Variants in MMP8 observed in about 807,000 individuals in gnomAD.
MMP8 encodes the protein matrix metallopeptidase 8.
A neutral mutation model predicts 51.2 loss-of-function variants in MMP8; 67 were observed. The ratio of observed to expected loss-of-function variants is 1.31; its 90% confidence interval spans 1.08 to 1.60. The LOEUF (loss-of-function observed/expected upper bound fraction) is 1.60, where lower values mean the gene tolerates loss of function less well. MMP8 is among the 40% of genes most tolerant of loss of function. The pLI is 0.00. For missense variants in MMP8, 654 were observed against 558.1 expected, an observed-to-expected ratio of 1.17 and a Z score of -1.73; for synonymous variants, 225 against 191.0, an observed-to-expected ratio of 1.18 and a Z score of -1.47.
chr11:102,713,777 A>G lies in MMP8; in HGVS notation c.1271T>C (p.Val424Ala). The change falls in exon 9 of 10, where the codon GTT becomes GCT. Residue 424 changes from valine to alanine, a missense_variant. Physicochemically the swap from Val to Ala is moderately conservative, Grantham distance 64. Transcript: ENST00000236826. The part of the protein sequence containing the change: ...SGAFPGIESK[V>A]DAVFQQEHFF... ...ACGTTCTTGCTGGAAAACTGCATCA[A>G]CTTTACTCTCTATTCCTGGAAAGGC... 1 of 1,609,594 alleles carries G rather than the reference A, an allele frequency of 6.2e-7. No individual in the cohort carries two copies. Among genetic ancestry groups the G allele is most frequent in the Non-Finnish European group, 8.5e-7 (1 of 1,178,458 alleles).
intron 1 of MMP8, chr11:102,722,972 CA>C (rs1190577748): frequency 8.3e-6 from 11 of 1,324,596 alleles, no homozygotes; most frequent in East Asian, 4.6e-5. Flanking sequence ...CTTGTTTTTA[CA>C]AAAAAATTAG....
In MMP8 at chr11:102,713,242, T is replaced by A. The variant is rs936095531; in HGVS notation, c.*106A>T. The stretch of plus-strand genomic sequence containing the variant: ...GAATGGATACAGTGATGGGAAACAA[T>A]GACTTAATATTGAGAAAAGTATAAG... On this transcript the variant is annotated 3_prime_UTR_variant, in exon 10 of 10. Coordinates refer to ENST00000236826, the MANE Select transcript of MMP8 (RefSeq NM_002424.3). 4 of 734,066 alleles carry A rather than the reference T, an allele frequency of 5.4e-6. No homozygotes were observed. In the African/African-American group the frequency reaches 7.1e-5, roughly 13 times the overall value. The allele number at this position is 734,066 out of a possible 1,614,324, so 45.5% of individuals were successfully genotyped here. A position where few individuals can be genotyped will look rare whatever the true frequency, so the allele number is the denominator to read the frequency against.
At chr11:102,723,997 G>T (rs972145629) in intron 1 of MMP8, 28 of 232,266 alleles carry the variant, frequency 1.2e-4, no homozygotes, top group Non-Finnish European at 2.4e-4. Context: ...GATTAAATGA[G>T]ATATTTGTGA....
intron 1 of MMP8, 78 bp from the exon 2 acceptor site, chr11:102,722,751 G>C: frequency 1.3e-6 from 2 of 1,560,994 alleles, no homozygotes; most frequent in South Asian, 2.4e-5. Flanking sequence ...CCCTTTCTAA[G>C]TTACTACAGA....
chr11:102,713,992 A>G, intron 8 of MMP8, 135 bp from the exon 9 acceptor site: 1 of 544,154 alleles, frequency 1.8e-6, no homozygotes, highest in Non-Finnish European at 3.2e-6. Flanking sequence ...CCTGTTTACT[A>G]GGATTAAGAA....
In MMP8 at chr11:102,713,735, G is replaced by T. The variant is rs5007518; in HGVS notation, c.1294+19C>A. The T allele has an allele frequency of 0.09, 132,873 of 1,477,460 alleles. 7,851 individuals are homozygous for T. Among genetic ancestry groups the T allele is most frequent in the East Asian group, 0.28 (11,866 of 42,568 alleles). 91.5% of individuals were successfully genotyped at this position (1,477,460 alleles called of 1,614,324 possible). ...AACAAACAAACAACACATTTATTAG[G>T]TTTTTTTTTCCTACTTACGTTCTTG... is the stretch of plus-strand genomic sequence containing the variant. On this transcript the variant is annotated intron_variant, in intron 9 of 9. Coordinates refer to ENST00000236826, the MANE Select transcript of MMP8 (RefSeq NM_002424.3).
intron 9 of MMP8, 65 bp downstream of exon 9, chr11:102,713,689 G>T: frequency 7.4e-7 from 1 of 1,355,956 alleles, no homozygotes. Context: ...AGCATAGTAA[G>T]ACCCTGTCTC....
In MMP8 at chr11:102,722,755, C is replaced by T. The variant is rs1444231716; in HGVS notation, c.103-82G>A. 3 of 1,541,440 alleles carry T rather than the reference C, an allele frequency of 1.9e-6. No individual in the cohort carries two copies. The East Asian group carries it at 6.9e-5, about 35-fold the overall frequency. ...TCATTTTGCAACCCTTTCTAAGTTA[C>T]TACAGAGGTCTGATAACTTGACAGC... On this transcript the variant is annotated intron_variant, in intron 1 of 9. Transcript: ENST00000236826.
intron 7 of MMP8, among the ~76,000 whole-genome samples, chr11:102,715,047 G>A (rs1440622684): frequency 3.9e-5 from 6 of 151,946 alleles, no homozygotes; most frequent in Non-Finnish European, 8.8e-5. Context: ...TCTGGGATGA[G>A]GATGAAAGAA....
At position 102,723,844 on chromosome 11, in the gene MMP8, C is replaced by A. The variant is rs182109900; in HGVS notation, c.102+910G>T. 3 of 244,448 alleles carry A rather than the reference C, an allele frequency of 1.2e-5. No individual in the cohort carries two copies. In the East Asian group the frequency reaches 3.2e-4, roughly 26 times the overall value. The allele number at this position is 244,448 out of a possible 1,614,324, so 15.1% of individuals were successfully genotyped here. ...AGTAGGTGACACTGACCAGATCACA[C>A]GCTTTGGAATCAGACAGGCCTGGGT... On this transcript the variant is annotated intron_variant, in intron 1 of 9. Coordinates refer to ENST00000236826, the MANE Select transcript of MMP8 (RefSeq NM_002424.3).
Position 102,724,943 on chromosome 11 carries a change from G to T in MMP8, c.-88C>A. 1 of 1,444,458 alleles carries T rather than the reference G, an allele frequency of 6.9e-7. No individual in the cohort carries two copies. The highest frequency in any genetic ancestry group is 1.6e-5 in the South Asian group (1 of 63,352). The allele number at this position is 1,444,458 out of a possible 1,614,324, so 89.5% of individuals were successfully genotyped here. ...CCTGGCGAGCACCCTGACGTTCACAGCATCATGTGTCACTCACAGCTCTCT... is the reference window on the plus strand; with the variant it reads ...CCTGGCGAGCACCCTGACGTTCACATCATCATGTGTCACTCACAGCTCTCT... On this transcript the variant is annotated 5_prime_UTR_variant, in exon 1 of 10. It adds an upstream start codon to the 5' untranslated region. Coordinates refer to ENST00000236826, the MANE Select transcript of MMP8 (RefSeq NM_002424.3).
chr11:102,718,693 G>T (rs1861380450), intron 4 of MMP8, 118 bp from the exon 5 acceptor site: 2 of 1,108,042 alleles, frequency 1.8e-6, no homozygotes, highest in Non-Finnish European at 2.6e-6. Flanking sequence ...CCTTCCCATG[G>T]CTGTCTTTTT....
chr11:102,713,808 A>G lies in MMP8; in HGVS notation c.1240T>C (p.Ser414Pro). Residue 414 changes from serine (S) to proline (P), a missense_variant, in exon 9 of 10, where the codon TCA becomes CCA. Transcript: ENST00000236826. ...CTCTCTATTCCTGGAAAGGCACCTG[A>G]TATGCTTTTGGGATAACCTGGCTCC... ...FMEPGYPKSI[S>P]GAFPGIESKV... The G allele has an allele frequency of 1.2e-6, 2 of 1,612,692 alleles. No individual in the cohort carries two copies. Among genetic ancestry groups the G allele is most frequent in the Non-Finnish European group, 1.7e-6 (2 of 1,179,380 alleles).
chr11:102,715,421 GC>G lies in MMP8; in HGVS notation c.918del (p.Arg306SerfsTer10). ...LFFKDRYFWR[R>X]HPQLQRVEMN... ...ATTTCGACTCTTTGTAGCTGAGGATGCCTTCTCCAGAAGTACCTAACGGAAC... is the reference window on the plus strand; with the variant it reads ...ATTTCGACTCTTTGTAGCTGAGGATGCTTCTCCAGAAGTACCTAACGGAAC... On this transcript the variant is annotated frameshift_variant, in exon 7 of 10. Coordinates refer to ENST00000236826, the MANE Select transcript of MMP8 (RefSeq NM_002424.3). LOFTEE classifies it high-confidence loss of function. 6.2e-7 allele frequency: 1 copy of G among 1,613,082 alleles called. No individual in the cohort carries two copies. Among genetic ancestry groups the G allele is most frequent in the South Asian group, 1.1e-5 (1 of 90,986 alleles).
chr11:102,722,737 G>C, intron 1 of MMP8, 64 bp from the exon 2 acceptor site: 2 of 1,586,044 alleles, frequency 1.3e-6, no homozygotes, highest in Non-Finnish European at 1.7e-6. Context: ...TGGTCATTTT[G>C]CAACCCTTTC....
Position 102,712,509 on chromosome 11 carries a change from G to A in MMP8, c.*839C>T, listed in dbSNP as rs992088954. 2.6e-5 allele frequency: 4 copies of A among 152,174 alleles called. No homozygotes were observed. The highest frequency in any genetic ancestry group is 5.9e-5 in the Non-Finnish European group (4 of 68,046). 9.4% of individuals were successfully genotyped at this position (152,174 alleles called of 1,614,324 possible). A position where few individuals can be genotyped will look rare whatever the true frequency, so the allele number is the denominator to read the frequency against. ...GGATAGAAGTCCGAATTCTGCAGGT[G>A]TCAGCAGGGTCACACTTGAAGGCTA... On this transcript the variant is annotated 3_prime_UTR_variant, in exon 10 of 10. Transcript: ENST00000236826.
intron 1 of MMP8, 24 bp from the exon 2 acceptor site, chr11:102,722,697 G>T (rs1861511510): frequency 1.2e-6 from 2 of 1,609,580 alleles, no homozygotes; most frequent in Admixed American, 3.4e-5. Flanking sequence ...AGCACATAGG[G>T]GTCTTGCTGT....
At chr11:102,723,280 CAA>C (rs1252127546) in intron 1 of MMP8, among the ~76,000 whole-genome samples, 1 of 152,048 alleles carries the variant, frequency 6.6e-6, no homozygotes, top group African/African-American at 2.4e-5. Context: ...AGTCAAAATC[CAA>C]AGAGTTTAGC....
intron 5 of MMP8, among the ~76,000 whole-genome samples, 179 bp from the exon 6 acceptor site, chr11:102,716,598 G>GTTTC (rs1861307270): frequency 6.6e-6 from 1 of 152,060 alleles, no homozygotes; most frequent in Non-Finnish European, 1.5e-5. Flanking sequence ...TAAAGTTTTT[G>GTTTC]TTTCTTTAAT....
Sources: gnomAD v4.1 joint callset for allele counts (sites outside exome capture counted in the v4.1 genomes callset) on GRCh38, gnomAD v4.1.1 for gene constraint, MANE v1.5 for transcripts, NCBI Gene and HGNC (gene_info 2026-07-23, HGNC 2026-07-21) for gene names.